The following SPPL3 variants were observed in gnomAD, a reference collection of about 807,000 sequenced individuals.
SPPL3 encodes signal peptide peptidase like 3.
In SPPL3, 5 loss-of-function variants were observed where a neutral mutation model predicts 42.4. That is an observed-to-expected ratio of 0.12 (90% CI 0.06 to 0.25). SPPL3 has a LOEUF of 0.25. SPPL3 is among the 10% of genes least tolerant of loss of function. The pLI is 1.00. For missense variants in SPPL3, 235 were observed against 489.0 expected, an observed-to-expected ratio of 0.48 and a Z score of 4.90; for synonymous variants, 195 against 181.8, an observed-to-expected ratio of 1.07 and a Z score of -0.58.
intron 1 of SPPL3, among the ~76,000 whole-genome samples, chr12:120,873,847 G>A (rs926434239): frequency 1.3e-5 from 2 of 151,348 alleles, no homozygotes; most frequent in African/African-American, 4.9e-5. Context: ...ACTCCAGCCT[G>A]GGCAACACAG....
chr12:120,830,515 A>G (rs1272529508), intron 1 of SPPL3, among the ~76,000 whole-genome samples: 1 of 2,468 alleles, frequency 4.1e-4, no homozygotes, highest in Admixed American at 4.2e-3. Flanking sequence ...GGGGAGGGGG[A>G]GGGGTGGGGA....
At chr12:120,872,669 C>G (rs1345653713) in intron 1 of SPPL3, among the ~76,000 whole-genome samples, 4 of 152,120 alleles carry the variant, frequency 2.6e-5, no homozygotes, top group Non-Finnish European at 5.9e-5. Context: ...TCCCCAAGGT[C>G]AGGGAACAAT....
In SPPL3 at chr12:120,763,675, C is replaced by A. The variant is rs1224545803; in HGVS notation, c.*1324G>T. 1 of 153,002 alleles carries A rather than the reference C, an allele frequency of 6.5e-6. No individual in the cohort carries two copies. The highest frequency in any genetic ancestry group is 1.5e-5 in the Non-Finnish European group (1 of 68,182). 9.5% of individuals were successfully genotyped at this position (153,002 alleles called of 1,614,324 possible). On this transcript the variant is annotated 3_prime_UTR_variant, in exon 11 of 11. Transcript: ENST00000353487. ...GGCTCTCAGGACACAGCAGCTGGTT[C>A]TTTCCCCAGTTACTGGAATTTAGGG... is the stretch of plus-strand genomic sequence containing the variant.
chr12:120,885,574 A>C (rs1873427198), intron 1 of SPPL3, among the ~76,000 whole-genome samples: 1 of 152,218 alleles, frequency 6.6e-6, no homozygotes. Context: ...ATCCTGTTAA[A>C]GTATTTGTAT....
At chr12:120,845,906 C>CTATT (rs1275136437) in intron 1 of SPPL3, among the ~76,000 whole-genome samples, 1 of 126,644 alleles carries the variant, frequency 7.9e-6, no homozygotes, top group Non-Finnish European at 1.7e-5. Flanking sequence ...ATCTATCTAT[C>CTATT]TATTTTTTTG....
intron 1 of SPPL3, among the ~76,000 whole-genome samples, chr12:120,842,430 A>C (rs895420951): frequency 6.6e-6 from 1 of 152,190 alleles, no homozygotes; most frequent in Admixed American, 6.5e-5. Flanking sequence ...AATGTTCCCC[A>C]AAAACATGGT....
Position 120,833,222 on chromosome 12 carries a change from G to C in SPPL3, c.24-22336C>G, listed in dbSNP as rs1007239210. On this transcript the variant is annotated intron_variant, in intron 1 of 10. Transcript: ENST00000353487. ...CAAAAGCAAAGGGTACAATAAGAACGATGGCATAATGACAAAGAAGTGTGG... is the reference window on the plus strand; with the variant it reads ...CAAAAGCAAAGGGTACAATAAGAACCATGGCATAATGACAAAGAAGTGTGG... Among the ~76,000 whole-genome samples, 3 of 152,086 alleles carry C rather than the reference G, an allele frequency of 2.0e-5. No individual in the cohort carries two copies. In the South Asian group the frequency reaches 6.2e-4, roughly 32 times the overall value.
At chr12:120,790,141 C>T (rs1360298731) in intron 3 of SPPL3, among the ~76,000 whole-genome samples, 1 of 152,182 alleles carries the variant, frequency 6.6e-6, no homozygotes, top group East Asian at 1.9e-4. Flanking sequence ...TCAGATTTTG[C>T]ACCAGGTTTT....
At chr12:120,798,988 A>T (rs892062853) in intron 2 of SPPL3, among the ~76,000 whole-genome samples, 4 of 152,184 alleles carry the variant, frequency 2.6e-5, no homozygotes, top group African/African-American at 9.7e-5. Context: ...ACTCAATTTC[A>T]ATTTGTTATT....
At chr12:120,903,016 C>T (rs957105602) in intron 1 of SPPL3, among the ~76,000 whole-genome samples, 22 of 152,142 alleles carry the variant, frequency 1.4e-4, no homozygotes, top group African/African-American at 5.1e-4. Flanking sequence ...AGTAGCTTCT[C>T]GCTTCTCGGC....
chr12:120,877,151 G>T (rs571893485), intron 1 of SPPL3, among the ~76,000 whole-genome samples: 2 of 152,170 alleles, frequency 1.3e-5, no homozygotes, highest in East Asian at 3.9e-4. Flanking sequence ...CATAAATTGG[G>T]ATAAAGATAC....
At chr12:120,853,048 C>A (rs886211089) in intron 1 of SPPL3, among the ~76,000 whole-genome samples, 1 of 151,704 alleles carries the variant, frequency 6.6e-6, no homozygotes, top group African/African-American at 2.4e-5. Context: ...GCACCCGCCA[C>A]CATGCCTGGC....
chr12:120,791,616 A>C (rs1407531312), intron 2 of SPPL3, 59 bp from the exon 3 acceptor site: 1 of 1,130,038 alleles, frequency 8.8e-7, no homozygotes, highest in African/African-American at 1.6e-5. Flanking sequence ...AGGTCAGAAA[A>C]GTCATATGAC....
At chr12:120,809,470 A>C (rs1455287558) in intron 2 of SPPL3, among the ~76,000 whole-genome samples, 1 of 152,252 alleles carries the variant, frequency 6.6e-6, no homozygotes, top group African/African-American at 2.4e-5. Context: ...TAGCCATTAA[A>C]ATTCAGATAT....
chr12:120,869,243 G>T (rs1040566121), intron 1 of SPPL3, among the ~76,000 whole-genome samples: 4 of 152,220 alleles, frequency 2.6e-5, no homozygotes, highest in African/African-American at 9.7e-5. Flanking sequence ...ATACCATGAG[G>T]AGTACTGCTG....
chr12:120,845,223 T>A, intron 1 of SPPL3: 1 of 427,692 alleles, frequency 2.3e-6, no homozygotes, highest in Non-Finnish European at 4.7e-6. Context: ...GGGAGTGCAG[T>A]CCCAGCTTGT....
chr12:120,799,446 T>C (rs937399937), intron 2 of SPPL3, among the ~76,000 whole-genome samples: 2 of 152,158 alleles, frequency 1.3e-5, no homozygotes, highest in South Asian at 2.1e-4. Context: ...AAGCTAGGGA[T>C]CTTCTGTAGC....
At chr12:120,886,142 C>CA (rs367987745) in intron 1 of SPPL3, among the ~76,000 whole-genome samples, 3 of 141,806 alleles carry the variant, frequency 2.1e-5, no homozygotes, top group African/African-American at 7.8e-5. Context: ...CACGCCCGGC[C>CA]AAAAAAAAAA....
At chr12:120,821,953 A>C (rs918149157) in intron 1 of SPPL3, among the ~76,000 whole-genome samples, 9 of 152,072 alleles carry the variant, frequency 5.9e-5, no homozygotes, top group African/African-American at 2.2e-4. Context: ...TACAACATAA[A>C]TCAACTTCAA....
Sources: gnomAD v4.1 joint callset for allele counts (sites outside exome capture counted in the v4.1 genomes callset) on GRCh38, gnomAD v4.1.1 for gene constraint, MANE v1.5 for transcripts, NCBI Gene and HGNC (gene_info 2026-07-23, HGNC 2026-07-21) for gene names.